The following MRPL22 variants were observed in gnomAD, a reference collection of about 807,000 sequenced individuals.
MRPL22 encodes large ribosomal subunit protein uL22m.
Under a neutral mutation model 32.4 loss-of-function variants are expected in MRPL22, and 27 were observed. The observed-to-expected ratio is 0.83, with a 90% CI of 0.61 to 1.15. The LOEUF is 1.15. MRPL22 is among the 50% of genes most tolerant of loss of function. The pLI is 0.00. For synonymous variants in MRPL22, 86 were observed against 87.3 expected, an observed-to-expected ratio of 0.99 and a Z score of 0.08; for missense variants, 239 against 260.2, an observed-to-expected ratio of 0.92 and a Z score of 0.56.
Position 154,958,429 on chromosome 5 carries a change from A to G in MRPL22, c.339+1217A>G, listed in dbSNP as rs147737074. Among the ~76,000 whole-genome samples the G allele has an allele frequency of 7.7e-4, 115 of 149,266 alleles. 1 individual carries two copies. The highest frequency in any genetic ancestry group is 2.6e-3 in the African/African-American group (108 of 41,126). ...CTTTGTAATGCTTTGATTTTGCTATATTCAATTCAGAATGCATTTACAAGT... is the reference window on the plus strand; with the variant it reads ...CTTTGTAATGCTTTGATTTTGCTATGTTCAATTCAGAATGCATTTACAAGT... On this transcript the variant is annotated intron_variant, in intron 5 of 6. Transcript: ENST00000523037.
At chr5:154,956,075 T>A (rs1764625073) in intron 3 of MRPL22, 1 of 275,466 alleles carries the variant, frequency 3.6e-6, no homozygotes, top group Admixed American at 5.6e-5. Context: ...AAAGATACTT[T>A]CATTTAAATC....
At position 154,966,706 on chromosome 5, in the gene MRPL22, G is replaced by C. The variant is rs1373742994; in HGVS notation, c.430G>C (p.Gly144Arg). Residue 144 changes from glycine (G) to arginine (R), a missense_variant, in exon 7 of 7, where the codon GGC (glycine) becomes CGC (arginine). Transcript: ENST00000523037. ...LYIAESTSGR[G>R]QCLKRIRYHG... ...TTTAGCTGAGTCCACCTCAGGACGAGGCCAGTGCCTGAAACGCATCCGCTA... is the reference window on the plus strand; with the variant it reads ...TTTAGCTGAGTCCACCTCAGGACGACGCCAGTGCCTGAAACGCATCCGCTA... 1 of 1,614,024 alleles carries C rather than the reference G, an allele frequency of 6.2e-7. No homozygotes were observed. The highest frequency in any genetic ancestry group is 1.1e-5 in the South Asian group (1 of 91,080).
chr5:154,963,186 G>T (rs1436708795), intron 6 of MRPL22, among the ~76,000 whole-genome samples: 1 of 152,140 alleles, frequency 6.6e-6, no homozygotes, highest in African/African-American at 2.4e-5. Context: ...TGATCCACCT[G>T]CCTCGGCCTC....
At chr5:154,943,684 T>C (rs2113530244) in intron 2 of MRPL22, among the ~76,000 whole-genome samples, 1 of 151,914 alleles carries the variant, frequency 6.6e-6, no homozygotes, top group South Asian at 2.1e-4. Context: ...TAAAATTTTT[T>C]TTTTTTTAAA....
At chr5:154,946,130 G>C (rs753297957) in intron 2 of MRPL22, among the ~76,000 whole-genome samples, 1 of 152,126 alleles carries the variant, frequency 6.6e-6, no homozygotes, top group Non-Finnish European at 1.5e-5. Context: ...TTTGAAGAGC[G>C]CAAGGTACTG....
chr5:154,946,301 CACAG>C (rs1188917279), intron 2 of MRPL22, among the ~76,000 whole-genome samples: 3 of 152,058 alleles, frequency 2.0e-5, no homozygotes, highest in Admixed American at 2.0e-4. Context: ...TTCCTCTTTT[CACAG>C]ACAAAGAAAC....
intron 6 of MRPL22, among the ~76,000 whole-genome samples, 166 bp downstream of exon 6, chr5:154,960,215 G>A (rs1764684418): frequency 6.6e-6 from 1 of 152,064 alleles, no homozygotes; most frequent in Admixed American, 6.6e-5. Context: ...TTTTAATTTA[G>A]TGTAAATGAC....
At chr5:154,944,198 T>C (rs1764458406) in intron 2 of MRPL22, among the ~76,000 whole-genome samples, 1 of 152,036 alleles carries the variant, frequency 6.6e-6, no homozygotes, top group South Asian at 2.1e-4. Context: ...GCTCAAACGA[T>C]CCGCCCGCTT....
At chr5:154,950,973 G>A (rs367767598) in intron 3 of MRPL22, 35 bp downstream of exon 3, 3 of 1,319,898 alleles carry the variant, frequency 2.3e-6, no homozygotes, top group Admixed American at 3.8e-5. Context: ...TCTTAATTGT[G>A]GTAGTGCTCT....
chr5:154,951,599 C>T (rs1311414135), intron 3 of MRPL22, among the ~76,000 whole-genome samples: 1 of 151,876 alleles, frequency 6.6e-6, no homozygotes, highest in African/African-American at 2.4e-5. Flanking sequence ...TGCAATGGCA[C>T]GATCTTGACT....
At chr5:154,941,174 G>A (rs1484221794) in intron 1 of MRPL22, 36 bp downstream of exon 1, 2 of 1,614,186 alleles carry the variant, frequency 1.2e-6, no homozygotes. Flanking sequence ...ACAGAAGGGA[G>A]TCGAGATGGA....
intron 6 of MRPL22, among the ~76,000 whole-genome samples, chr5:154,963,391 A>T (rs896582949): frequency 6.6e-6 from 1 of 152,258 alleles, no homozygotes; most frequent in Non-Finnish European, 1.5e-5. Context: ...CACATTAAAT[A>T]GGTGATGTTA....
intron 6 of MRPL22, among the ~76,000 whole-genome samples, chr5:154,964,002 T>C (rs1764735867): frequency 6.6e-6 from 1 of 152,154 alleles, no homozygotes; most frequent in African/African-American, 2.4e-5. Context: ...GAAGTAGAAG[T>C]TTGACCTCGA....
intron 6 of MRPL22, among the ~76,000 whole-genome samples, chr5:154,962,666 T>G (rs369605429): frequency 3.3e-5 from 5 of 152,342 alleles, no homozygotes; most frequent in Admixed American, 2.6e-4. Flanking sequence ...ATTTAGAAAG[T>G]TCACTTCCCT....
Position 154,965,427 on chromosome 5 carries a change from A to AT in MRPL22, c.410-1243dup, listed in dbSNP as rs201797693. The stretch of plus-strand genomic sequence containing the variant: ...AGGTGAACAGTTCTTCTTATGTACT[A>AT]TTTTTTTTTTTTTTTTGAGATGGAG... On this transcript the variant is annotated intron_variant, in intron 6 of 6. Transcript: ENST00000523037. 5.9e-3 allele frequency among the ~76,000 whole-genome samples: 814 copies of AT among 138,608 alleles called. 3 individuals are homozygous for AT. Among genetic ancestry groups the AT allele is most frequent in the African/African-American group, 0.011 (434 of 38,002 alleles). The allele number at this position is 138,608 out of a possible 152,430, so 90.9% of individuals were successfully genotyped here.
At chr5:154,965,637 G>A (rs1487283593) in intron 6 of MRPL22, among the ~76,000 whole-genome samples, 1 of 152,098 alleles carries the variant, frequency 6.6e-6, no homozygotes, top group Non-Finnish European at 1.5e-5. Flanking sequence ...TGTTGGCCAA[G>A]GTTAAACTCC....
chr5:154,941,390 A>G, intron 2 of MRPL22, 125 bp downstream of exon 2: 3 of 1,156,654 alleles, frequency 2.6e-6, no homozygotes, highest in Non-Finnish European at 3.7e-6. Flanking sequence ...CGAATGAGAC[A>G]GCCCGAGTCT....
chr5:154,967,032 A>G lies in MRPL22; in HGVS notation c.*135A>G. 1 of 981,602 alleles carries G rather than the reference A, an allele frequency of 1.0e-6. No homozygotes were observed. Among genetic ancestry groups the G allele is most frequent in the African/African-American group, 1.6e-5 (1 of 60,850 alleles). 60.8% of individuals were successfully genotyped at this position (981,602 alleles called of 1,614,324 possible). On this transcript the variant is annotated 3_prime_UTR_variant, in exon 7 of 7. Transcript: ENST00000523037. This position sits in a 1 kb window ranked among gnomAD's most constrained non-coding sequence, Gnocchi z 4.7. ...GTGTATAACTGCTAGTTGTAAATGAATATTTATAAGGCTTTGCCCATTTCT... is the reference window on the plus strand; with the variant it reads ...GTGTATAACTGCTAGTTGTAAATGAGTATTTATAAGGCTTTGCCCATTTCT...
At chr5:154,950,627 G>T (rs753795026) in intron 2 of MRPL22, among the ~76,000 whole-genome samples, 194 bp from the exon 3 acceptor site, 34 of 152,270 alleles carry the variant, frequency 2.2e-4, no homozygotes, top group Non-Finnish European at 4.3e-4. Context: ...TTTCTCTCCT[G>T]TTAGCCTCTA....
Sources: gnomAD v4.1 joint callset for allele counts (sites outside exome capture counted in the v4.1 genomes callset) on GRCh38, gnomAD v4.1.1 for gene constraint, Gnocchi (gnomAD v3.1) non-coding constraint, MANE v1.5 for transcripts, NCBI Gene and HGNC (gene_info 2026-07-23, HGNC 2026-07-21) for gene names.